The following MPPED1 variants were observed in gnomAD, a reference collection of about 807,000 sequenced individuals.
MPPED1 encodes the protein metallophosphoesterase domain containing 1.
A neutral mutation model predicts 36.2 loss-of-function variants in MPPED1; 16 were observed. The observed-to-expected ratio is 0.44, with a 90% CI of 0.30 to 0.67. MPPED1 has a LOEUF of 0.67. MPPED1 is among the 30% of genes least tolerant of loss of function. The probability of loss-of-function intolerance (pLI) is 0.10; values close to 1 mark genes in which losing one functional copy is unlikely to be tolerated. For missense variants in MPPED1, 307 were observed against 453.4 expected (o/e 0.68, Z 2.93); for synonymous variants, 199 against 191.3 (o/e 1.04, Z -0.33).
chr22:43,440,572 T>C (rs574576960), intron 3 of MPPED1, among the ~76,000 whole-genome samples: 1 of 152,324 alleles, frequency 6.6e-6, no homozygotes, highest in South Asian at 2.1e-4. Flanking sequence ...GTGACAGCCA[T>C]GCCTGCAAGA....
intron 4 of MPPED1, among the ~76,000 whole-genome samples, chr22:43,489,879 C>T (rs145092102): frequency 2.6e-5 from 4 of 152,284 alleles, no homozygotes; most frequent in East Asian, 3.9e-4. Context: ...ATGGAGCTCC[C>T]GGGTATTTAG....
chr22:43,485,346 TCACA>T (rs748020630), intron 4 of MPPED1, among the ~76,000 whole-genome samples: 1 of 151,210 alleles, frequency 6.6e-6, no homozygotes, highest in Non-Finnish European at 1.5e-5. Flanking sequence ...ACACACACAT[TCACA>T]CACACACATT....
rs1491212045 is a variant in MPPED1, at chr22:43,463,807, T to TTTTCTTTCTTTCTTTTTTTTTTTTC, written c.407-10914_407-10913insTTTTTTTTTCTTTCTTTCTTTCTTT. On this transcript the variant is annotated intron_variant, in intron 3 of 6. Transcript: ENST00000443721. ...ACTGTGGTTGATTTTTCATTTTTTCTTTTCTTTCTTTCTTTCTTTCTTTCT... is the reference window on the plus strand; with the variant it reads ...ACTGTGGTTGATTTTTCATTTTTTCTTTTCTTTCTTTCTTTTTTTTTTTTCTTTCTTTCTTTCTTTCTTTCTTTCT... Among the ~76,000 whole-genome samples, 49 of 112,890 alleles carry TTTTCTTTCTTTCTTTTTTTTTTTTC rather than the reference T, an allele frequency of 4.3e-4. 1 individual carries two copies. Among genetic ancestry groups the TTTTCTTTCTTTCTTTTTTTTTTTTC allele is most frequent in the Non-Finnish European group, 7.5e-4 (41 of 54,456 alleles). 74.1% of individuals were successfully genotyped at this position (112,890 alleles called of 152,430 possible).
intron 3 of MPPED1, among the ~76,000 whole-genome samples, chr22:43,447,883 A>ATATTTTTTT (rs1321289636): frequency 5.9e-5 from 4 of 67,738 alleles, no homozygotes; most frequent in African/African-American, 2.7e-4. Flanking sequence ...ATATATATAT[A>ATATTTTTTT]TTTTTTTTTT....
intron 4 of MPPED1, among the ~76,000 whole-genome samples, chr22:43,482,698 T>A (rs1005965442): frequency 6.6e-6 from 1 of 152,150 alleles, no homozygotes; most frequent in African/African-American, 2.4e-5. Context: ...CTGCTCGACG[T>A]TTATGACCGC....
At chr22:43,501,334 C>T (rs547728171) in intron 5 of MPPED1, among the ~76,000 whole-genome samples, 6 of 152,314 alleles carry the variant, frequency 3.9e-5, no homozygotes, top group Admixed American at 1.3e-4. Context: ...CTTTTTTCCT[C>T]CTTTTTCCTT....
chr22:43,437,952 G>T (rs184671983), intron 3 of MPPED1, among the ~76,000 whole-genome samples: 1 of 152,130 alleles, frequency 6.6e-6, no homozygotes, highest in African/African-American at 2.4e-5. Context: ...AGATGTGGAC[G>T]TGTAGTCTCA....
At chr22:43,492,335 G>A (rs1175648343) in intron 4 of MPPED1, among the ~76,000 whole-genome samples, 1 of 152,108 alleles carries the variant, frequency 6.6e-6, no homozygotes, top group Admixed American at 6.5e-5. Context: ...GTAAAATCAT[G>A]TGTGTGCATG....
At chr22:43,498,072 A>G (rs149669758) in intron 4 of MPPED1, among the ~76,000 whole-genome samples, 163 bp from the exon 5 acceptor site, 99,213 of 150,896 alleles carry the variant, frequency 0.66, 33,812 homozygotes, top group African/African-American at 0.85. Flanking sequence ...CAGTGGGTCA[A>G]AGTCCTGGTG....
At chr22:43,458,923 T>G (rs1930849175) in intron 3 of MPPED1, among the ~76,000 whole-genome samples, 1 of 152,228 alleles carries the variant, frequency 6.6e-6, no homozygotes, top group Non-Finnish European at 1.5e-5. Flanking sequence ...GATGAGTGAT[T>G]GTCTGCTTTC....
At position 43,502,999 on chromosome 22, in the gene MPPED1, C is replaced by A. The variant is rs1932762254; in HGVS notation, c.862+242C>A. ...GGGTAAATTTTGCTTCCGGGGAGCC[C>A]TGCAACTCTGCTGTGCCTCCAGCCT... On this transcript the variant is annotated intron_variant, in intron 6 of 6. Transcript: ENST00000443721. The surrounding 1 kb of genome is among the most constrained non-coding windows in gnomAD (Gnocchi z 5.5). Among the ~76,000 whole-genome samples the A allele has an allele frequency of 6.6e-6, 1 of 152,186 alleles. No individual in the cohort carries two copies. The highest frequency in any genetic ancestry group is 1.5e-5 in the Non-Finnish European group (1 of 68,026).
At chr22:43,456,476 C>G (rs986188559) in intron 3 of MPPED1, among the ~76,000 whole-genome samples, 3 of 152,128 alleles carry the variant, frequency 2.0e-5, no homozygotes, top group Non-Finnish European at 2.9e-5. Context: ...AAGATCTCTT[C>G]TATTCCCAGT....
chr22:43,477,509 C>G (rs927091655), intron 4 of MPPED1, among the ~76,000 whole-genome samples: 1 of 152,240 alleles, frequency 6.6e-6, no homozygotes, highest in Admixed American at 6.5e-5. Flanking sequence ...CATGCCCCAG[C>G]AGAGAGTGTC....
rs1569090620 is a variant in MPPED1, at chr22:43,498,216, A to G, written c.633-19A>G. 2.6e-6 allele frequency: 4 copies of G among 1,528,664 alleles called. No individual in the cohort carries two copies. Among genetic ancestry groups the G allele is most frequent in the Non-Finnish European group, 8.8e-7 (1 of 1,141,430 alleles). The allele number at this position is 1,528,664 out of a possible 1,614,324, so 94.7% of individuals were successfully genotyped here. Reference sequence around the variant, plus strand: ...TACTTTCACCCGCCCTCCCTCAAACACCTGCACTTCTTCTACAGGCAGCCC... The same window carrying G: ...TACTTTCACCCGCCCTCCCTCAAACGCCTGCACTTCTTCTACAGGCAGCCC... On this transcript the variant is annotated intron_variant, in intron 4 of 6. Transcript: ENST00000443721.
chr22:43,475,111 G>A (rs1931502721), intron 4 of MPPED1, 150 bp downstream of exon 4: 2 of 655,332 alleles, frequency 3.1e-6, no homozygotes, highest in African/African-American at 3.6e-5. Context: ...TGTGACCTAG[G>A]CAGGTCACCG....
intron 4 of MPPED1, among the ~76,000 whole-genome samples, chr22:43,488,404 C>T (rs1334893980): frequency 6.6e-6 from 1 of 152,196 alleles, no homozygotes; most frequent in Middle Eastern, 3.2e-3. Flanking sequence ...CGGCTTCTGC[C>T]ATTTCCTATA....
intron 3 of MPPED1, among the ~76,000 whole-genome samples, chr22:43,447,573 C>T (rs1298934277): frequency 4.6e-5 from 7 of 151,754 alleles, no homozygotes; most frequent in African/African-American, 7.3e-5. Context: ...TTGGAGAATA[C>T]GATCGCCACT....
chr22:43,496,692 T>A (rs1413323980), intron 4 of MPPED1, among the ~76,000 whole-genome samples: 5 of 104 alleles, frequency 0.048, no homozygotes, highest in African/African-American at 0.5. Flanking sequence ...GTGGTGGTGG[T>A]GGTGGTGGTG....
At chr22:43,464,156 G>A (rs1263476582) in intron 3 of MPPED1, among the ~76,000 whole-genome samples, 2 of 151,972 alleles carry the variant, frequency 1.3e-5, no homozygotes, top group African/African-American at 4.8e-5. Flanking sequence ...TGATCAGCCT[G>A]CCTCAGCCTC....
Sources: gnomAD v4.1 joint callset for allele counts (sites outside exome capture counted in the v4.1 genomes callset) on GRCh38, gnomAD v4.1.1 for gene constraint, Gnocchi (gnomAD v3.1) non-coding constraint, MANE v1.5 for transcripts, NCBI Gene and HGNC (gene_info 2026-07-23, HGNC 2026-07-21) for gene names.